LCLAT1: variants seen among roughly 807,000 people sequenced by gnomAD.
LCLAT1 encodes the protein 1-AGP acyltransferase 8.
LCLAT1 carries 11 observed loss-of-function variants against 30.7 expected under a neutral mutation model. The ratio of observed to expected loss-of-function variants is 0.36; its 90% confidence interval spans 0.23 to 0.59. The LOEUF (loss-of-function observed/expected upper bound fraction) is 0.59. LCLAT1 is among the 20% of genes least tolerant of loss of function. LCLAT1 has a pLI of 0.77. For missense variants in LCLAT1, 402 were observed against 458.6 expected (o/e 0.88, Z 1.13); for synonymous variants, 155 against 151.3 (o/e 1.02, Z -0.18).
chr2:30,501,763 CCCT>C (rs1684404826), intron 1 of LCLAT1, among the ~76,000 whole-genome samples: 1 of 152,112 alleles, frequency 6.6e-6, no homozygotes, highest in Admixed American at 6.6e-5. Flanking sequence ...GGATGCCCTC[CCCT>C]GAAACAGTGG....
chr2:30,596,605 T>TG (rs900970905), intron 5 of LCLAT1, among the ~76,000 whole-genome samples: 1 of 151,996 alleles, frequency 6.6e-6, no homozygotes, highest in African/African-American at 2.4e-5. Flanking sequence ...CTGTTTGCTC[T>TG]GATGATAGTT....
At chr2:30,497,179 G>T (rs957832101) in intron 1 of LCLAT1, among the ~76,000 whole-genome samples, 1 of 152,184 alleles carries the variant, frequency 6.6e-6, no homozygotes, top group Non-Finnish European at 1.5e-5. Context: ...GAAGTGCTTG[G>T]AGTAAACACA....
At chr2:30,571,992 A>G (rs1477059709) in intron 5 of LCLAT1, among the ~76,000 whole-genome samples, 1 of 152,224 alleles carries the variant, frequency 6.6e-6, no homozygotes, top group Non-Finnish European at 1.5e-5. Context: ...TGGATCACCT[A>G]AGTGACCTGG....
At chr2:30,631,483 G>A (rs1668769003) in intron 5 of LCLAT1, among the ~76,000 whole-genome samples, 1 of 152,098 alleles carries the variant, frequency 6.6e-6, no homozygotes, top group African/African-American at 2.4e-5. Flanking sequence ...CACCACACTT[G>A]GCATCTCTCA....
At position 30,525,040 on chromosome 2, in the gene LCLAT1, T is replaced by TAA. The variant is rs11408146; in HGVS notation, c.-4-538_-4-537dup. On this transcript the variant is annotated intron_variant, in intron 1 of 5. Transcript: ENST00000379509. ...GAAAAGAAAATATATGGTTTTATGT[T>TAA]AAAAAAAAAAGGCTTCTTAAACTAG... is the stretch of plus-strand genomic sequence containing the variant. Among the ~76,000 whole-genome samples the TAA allele has an allele frequency of 2.2e-3, 329 of 148,812 alleles. 1 individual carries two copies. Among genetic ancestry groups the TAA allele is most frequent in the East Asian group, 0.02 (103 of 5,086 alleles).
At chr2:30,606,877 AAAAC>A (rs1667467572) in intron 5 of LCLAT1, 1 of 151,884 alleles carries the variant, frequency 6.6e-6, no homozygotes, top group African/African-American at 2.4e-5. Flanking sequence ...ACAAGAAACT[AAAAC>A]AAATTTACAA....
At chr2:30,478,903 G>C (rs766026606) in intron 1 of LCLAT1, among the ~76,000 whole-genome samples, 3 of 152,084 alleles carry the variant, frequency 2.0e-5, no homozygotes, top group African/African-American at 4.8e-5. Context: ...ATTGTAAAAG[G>C]GGAATCAAGC....
At chr2:30,604,660 CAAAAA>C (rs71405526) in intron 5 of LCLAT1, among the ~76,000 whole-genome samples, 5 of 95,872 alleles carry the variant, frequency 5.2e-5, no homozygotes, top group Admixed American at 1.2e-4. Context: ...GACTCCGTCT[CAAAAA>C]AAAAAAAAAA....
At chr2:30,458,255 T>C (rs1681932105) in intron 1 of LCLAT1, among the ~76,000 whole-genome samples, 1 of 152,238 alleles carries the variant, frequency 6.6e-6, no homozygotes, top group African/African-American at 2.4e-5. Context: ...GGTAATTCAA[T>C]TCAGTAAACA....
At chr2:30,533,064 C>A in intron 2 of LCLAT1, 52 bp from the exon 3 acceptor site, 1 of 1,278,388 alleles carries the variant, frequency 7.8e-7, no homozygotes, top group Non-Finnish European at 1.1e-6. Context: ...ATAAAATTTA[C>A]CTATGGAAAA....
At chr2:30,551,166 A>G (rs1664659300) in intron 3 of LCLAT1, among the ~76,000 whole-genome samples, 2 of 152,136 alleles carry the variant, frequency 1.3e-5, no homozygotes, top group East Asian at 3.9e-4. Context: ...ATTTTAAAAG[A>G]CAACAACTTT....
chr2:30,628,322 G>T (rs1043484097), intron 5 of LCLAT1, among the ~76,000 whole-genome samples: 6 of 152,164 alleles, frequency 3.9e-5, no homozygotes, highest in African/African-American at 1.4e-4. Context: ...TTGAGAAGAG[G>T]ATATAAAATT....
chr2:30,610,954 C>T (rs1178472527), intron 5 of LCLAT1, among the ~76,000 whole-genome samples: 1 of 151,400 alleles, frequency 6.6e-6, no homozygotes, highest in Non-Finnish European at 1.5e-5. Flanking sequence ...TTAATGCTGG[C>T]TATGTAATAG....
intron 5 of LCLAT1, among the ~76,000 whole-genome samples, chr2:30,588,190 A>G (rs540221110): frequency 2.0e-5 from 3 of 152,316 alleles, no homozygotes; most frequent in African/African-American, 4.8e-5. Context: ...GACGTTTTCA[A>G]CCCTCCAAGG....
chr2:30,610,948 TGCTG>T (rs2148504521), intron 5 of LCLAT1, among the ~76,000 whole-genome samples: 1 of 152,268 alleles, frequency 6.6e-6, no homozygotes, highest in East Asian at 1.9e-4. Flanking sequence ...GTTTTTTTAA[TGCTG>T]GCTATGTAAT....
chr2:30,636,548 A>T (rs1197648022), intron 5 of LCLAT1, among the ~76,000 whole-genome samples: 1 of 152,128 alleles, frequency 6.6e-6, no homozygotes, highest in Non-Finnish European at 1.5e-5. Flanking sequence ...CTGTGTCCAC[A>T]GCCCTCCCTC....
intron 5 of LCLAT1, among the ~76,000 whole-genome samples, chr2:30,628,077 TACA>T (rs1204029412): frequency 4.6e-5 from 7 of 152,212 alleles, no homozygotes; most frequent in Admixed American, 2.6e-4. Context: ...GCTATATATA[TACA>T]ACAATAGAGT....
chr2:30,501,446 T>G (rs1684384201), intron 1 of LCLAT1, among the ~76,000 whole-genome samples: 1 of 152,160 alleles, frequency 6.6e-6, no homozygotes, highest in African/African-American at 2.4e-5. Flanking sequence ...CAGTTTGTGT[T>G]TTAAAGATCT....
chr2:30,525,699 T>A lies in LCLAT1; in HGVS notation c.109T>A (p.Ser37Thr), dbSNP rs1312341258. The part of the protein sequence containing the change: ...PFLPLMFVNP[S>T]WYRWINNRLV... ...TTTACCTTTGATGTTTGTAAACCCA[T>A]CTTGGTATCGCTGGATCAACAACCG... Residue 37 changes from serine to threonine, a missense_variant, in exon 2 of 6, where the codon TCT becomes ACT. Transcript: ENST00000379509. The A allele has an allele frequency of 6.2e-7, 1 of 1,614,008 alleles. No individual in the cohort carries two copies. The highest frequency in any genetic ancestry group is 8.5e-7 in the Non-Finnish European group (1 of 1,179,996).
Sources: allele counts gnomAD v4.1 joint callset (sites outside exome capture counted in the v4.1 genomes callset), GRCh38; gene constraint gnomAD v4.1.1; transcripts MANE v1.5; gene names NCBI Gene and HGNC (gene_info 2026-07-23, HGNC 2026-07-21).